LY75: variants seen among roughly 807,000 people sequenced by gnomAD.
LY75 encodes the protein C-type lectin domain family 13 member B.
A neutral mutation model predicts 231.7 loss-of-function variants in LY75; 185 were observed. The observed-to-expected ratio is 0.80, with a 90% CI of 0.71 to 0.90. The LOEUF (loss-of-function observed/expected upper bound fraction) is 0.90. Ranked by LOEUF, LY75 falls within the 40% of genes least tolerant of loss-of-function variation. LY75 has a pLI of 0.00. For missense variants in LY75, 1,947 were observed against 2,050.2 expected, an observed-to-expected ratio of 0.95 and a Z score of 0.97; for synonymous variants, 668 against 689.0, an observed-to-expected ratio of 0.97 and a Z score of 0.48.
chr2:159,821,120 G>A (rs1683273051), intron 28 of LY75, among the ~76,000 whole-genome samples: 1 of 151,920 alleles, frequency 6.6e-6, no homozygotes, highest in Non-Finnish European at 1.5e-5. Context: ...TTATAGGCAT[G>A]AGCCACCGTG....
chr2:159,818,245 GAA>G (rs1683182220), intron 29 of LY75, among the ~76,000 whole-genome samples: 1 of 152,086 alleles, frequency 6.6e-6, no homozygotes. Context: ...TGGAAAGGAG[GAA>G]AAGAGGTAAC....
intron 25 of LY75, among the ~76,000 whole-genome samples, chr2:159,840,012 A>AAAAAAAAAAAG (rs1211639838): frequency 6.7e-6 from 1 of 149,906 alleles, no homozygotes; most frequent in Non-Finnish European, 1.5e-5. Flanking sequence ...TCTCAAAAAA[A>AAAAAAAAAAAG]AAAAAAAGAA....
chr2:159,840,057 T>C (rs1461992970), intron 25 of LY75, among the ~76,000 whole-genome samples: 3 of 148,430 alleles, frequency 2.0e-5, no homozygotes, highest in African/African-American at 7.4e-5. Flanking sequence ...AAGGACTCTT[T>C]AACACTATCC....
At chr2:159,863,005 T>C (rs546568175) in intron 14 of LY75, among the ~76,000 whole-genome samples, 4 of 151,232 alleles carry the variant, frequency 2.6e-5, no homozygotes, top group South Asian at 4.2e-4. Context: ...TCTTTAGCTC[T>C]ATGAGATCCT....
At chr2:159,837,747 G>C (rs1381299501) in intron 25 of LY75, among the ~76,000 whole-genome samples, 3 of 152,154 alleles carry the variant, frequency 2.0e-5, no homozygotes, top group African/African-American at 7.2e-5. Context: ...TATGAGAAAG[G>C]AGTAGTGGAT....
At chr2:159,868,679 C>T (rs1560090159) in intron 13 of LY75, among the ~76,000 whole-genome samples, 1 of 152,064 alleles carries the variant, frequency 6.6e-6, no homozygotes, top group Non-Finnish European at 1.5e-5. Flanking sequence ...TATGATATTC[C>T]AATGTTTTCT....
chr2:159,856,433 A>AT (rs1487358694), intron 16 of LY75, among the ~76,000 whole-genome samples: 1 of 152,236 alleles, frequency 6.6e-6, no homozygotes, highest in African/African-American at 2.4e-5. Flanking sequence ...AGGCATGGTG[A>AT]TTTAGAATAC....
chr2:159,812,509 G>A (rs1472885929), intron 31 of LY75, among the ~76,000 whole-genome samples: 1 of 152,056 alleles, frequency 6.6e-6, no homozygotes, highest in Non-Finnish European at 1.5e-5. Context: ...ACTCTTGGGT[G>A]CAATAGATCC....
chr2:159,825,231 A>G (rs1418939620), intron 28 of LY75, among the ~76,000 whole-genome samples: 1 of 152,208 alleles, frequency 6.6e-6, no homozygotes, highest in Non-Finnish European at 1.5e-5. Flanking sequence ...AAAGAAGAAA[A>G]GAGATAAGAA....
chr2:159,881,338 A>G (rs1685431225), intron 7 of LY75, 98 bp from the exon 8 acceptor site: 24 of 1,379,918 alleles, frequency 1.7e-5, no homozygotes, highest in Non-Finnish European at 1.8e-5. Flanking sequence ...TGGAGTTTTA[A>G]GAGCCTTTGT....
At chr2:159,843,490 ATT>A (rs5835770) in intron 23 of LY75, among the ~76,000 whole-genome samples, 3,015 of 148,650 alleles carry the variant, frequency 0.02, 40 homozygotes, top group Admixed American at 0.032. Context: ...AATAATGGCC[ATT>A]TTTTTTTTTT....
chr2:159,844,337 A>AAC (rs1684132950), intron 23 of LY75, among the ~76,000 whole-genome samples: 1 of 151,822 alleles, frequency 6.6e-6, no homozygotes. Context: ...AAAAAAAAAA[A>AAC]AAAAAACTAT....
At chr2:159,861,461 C>T (rs920160600) in intron 14 of LY75, among the ~76,000 whole-genome samples, 34 of 152,152 alleles carry the variant, frequency 2.2e-4, no homozygotes, top group Admixed American at 5.2e-4. Flanking sequence ...AATAAGGATA[C>T]TTTTGGCCAG....
chr2:159,850,280 T>C, intron 22 of LY75, 82 bp downstream of exon 22: 1 of 1,542,644 alleles, frequency 6.5e-7, no homozygotes, highest in Non-Finnish European at 8.7e-7. Flanking sequence ...TAAGAATTTT[T>C]GTATGTTAAT....
chr2:159,813,878 C>A (rs570824428), intron 31 of LY75: 1 of 152,276 alleles, frequency 6.6e-6, no homozygotes, highest in Admixed American at 6.5e-5. Context: ...TTTCTGCATG[C>A]CTTATTTCTC....
intron 12 of LY75, among the ~76,000 whole-genome samples, chr2:159,874,515 TGTAC>T (rs1192293657): frequency 0.024 from 1,686 of 68,852 alleles, 332 homozygotes; most frequent in South Asian, 0.12. Flanking sequence ...TATATAAATA[TGTAC>T]ATATTTTGTA....
rs1394148672 is a variant in LY75, at chr2:159,894,176, G to T, written c.467-92C>A. 36 of 1,429,680 alleles carry T rather than the reference G, an allele frequency of 2.5e-5. 1 individual carries two copies. Among genetic ancestry groups the T allele is most frequent in the South Asian group, 1.6e-4 (11 of 70,928 alleles). The allele number at this position is 1,429,680 out of a possible 1,614,324, so 88.6% of individuals were successfully genotyped here. On this transcript the variant is annotated intron_variant, in intron 2 of 34. Coordinates refer to ENST00000263636, the MANE Select transcript of LY75 (RefSeq NM_002349.4). ...TTCTAAAACTGTTTTTAAAAGAAAC[G>T]TTGTTTAGAATACAATATCCGAGTG...
rs1402705656 is a variant in LY75, at chr2:159,835,501, C to A, written c.3652G>T (p.Ala1218Ser). The A allele has an allele frequency of 8.7e-6, 14 of 1,607,354 alleles. No homozygotes were observed. Among genetic ancestry groups the A allele is most frequent in the Non-Finnish European group, 1.2e-5 (14 of 1,177,458 alleles). ...TVDCNDNQPG[A>S]ICYYSGNETE... ...ATACTTCCTGAATAGTAGCAAATAG[C>A]ACCTGGTTGATTGTCATTGCAATCA... is the stretch of plus-strand genomic sequence containing the variant. The change falls in exon 26 of 35, where the codon GCT (alanine) becomes TCT (serine). Residue 1218 changes from alanine to serine, a missense_variant. Coordinates refer to ENST00000263636, the MANE Select transcript of LY75 (RefSeq NM_002349.4).
At position 159,821,433 on chromosome 2, in the gene LY75, T is replaced by G. The variant is rs993146741; in HGVS notation, c.3959-1513A>C. 1.7e-4 allele frequency among the ~76,000 whole-genome samples: 26 copies of G among 151,880 alleles called. 1 individual carries two copies. The highest frequency in any genetic ancestry group is 3.1e-4 in the Non-Finnish European group (21 of 67,928). ...GAGTTCGAGACCAGCCTGACCAACATGGTAAAACCCCATCTCTACTAAAAA... is the reference window on the plus strand; with the variant it reads ...GAGTTCGAGACCAGCCTGACCAACAGGGTAAAACCCCATCTCTACTAAAAA... On this transcript the variant is annotated intron_variant, in intron 28 of 34. Coordinates refer to ENST00000263636, the MANE Select transcript of LY75 (RefSeq NM_002349.4).
Sources: allele counts gnomAD v4.1 joint callset (sites outside exome capture counted in the v4.1 genomes callset), GRCh38; gene constraint gnomAD v4.1.1; transcripts MANE v1.5; gene names NCBI Gene and HGNC (gene_info 2026-07-23, HGNC 2026-07-21).